COG7: variants seen among roughly 807,000 people sequenced by gnomAD.
COG7 encodes component of oligomeric golgi complex 7.
COG7 carries 49 observed loss-of-function variants against 91.5 expected under a neutral mutation model. That is an observed-to-expected ratio of 0.54 (90% CI 0.43 to 0.68). The LOEUF (loss-of-function observed/expected upper bound fraction) is 0.68, where lower values mean the gene tolerates loss of function less well. COG7 is among the 30% of genes least tolerant of loss of function. COG7 has a pLI of 0.00. For synonymous variants in COG7, 365 were observed against 388.7 expected, an observed-to-expected ratio of 0.94 and a Z score of 0.72; for missense variants, 895 against 961.3, an observed-to-expected ratio of 0.93 and a Z score of 0.91.
intron 4 of COG7, among the ~76,000 whole-genome samples, chr16:23,440,334 C>T (rs1276273422): frequency 6.7e-6 from 1 of 149,782 alleles, no homozygotes; most frequent in East Asian, 2.0e-4. Flanking sequence ...CATCATGCCA[C>T]TGCACTCCAC....
At chr16:23,392,841 G>T (rs955766756) in intron 15 of COG7, among the ~76,000 whole-genome samples, 5 of 152,140 alleles carry the variant, frequency 3.3e-5, no homozygotes, top group African/African-American at 1.2e-4. Context: ...TGAGGCAGGA[G>T]AATTGCTTGA....
At chr16:23,424,366 T>C (rs953827024) in intron 7 of COG7, among the ~76,000 whole-genome samples, 3 of 148,366 alleles carry the variant, frequency 2.0e-5, no homozygotes, top group Admixed American at 6.8e-5. Context: ...GAGGTTGAAA[T>C]GTCTGAGGCT....
At chr16:23,426,686 G>A (rs1963850755) in intron 6 of COG7, among the ~76,000 whole-genome samples, 1 of 151,472 alleles carries the variant, frequency 6.6e-6, no homozygotes. Flanking sequence ...CATAATAAAG[G>A]CCATATATGA....
rs529871830 is a variant in COG7 at position 23,441,388 on chromosome 16, G to A, written c.604+1089C>T. Among the ~76,000 whole-genome samples the A allele has an allele frequency of 3.9e-5, 6 of 152,162 alleles. No individual in the cohort carries two copies. In the East Asian group the frequency reaches 9.7e-4, roughly 24 times the overall value. On this transcript the variant is annotated intron_variant, in intron 4 of 16. Transcript: ENST00000307149. The stretch of plus-strand genomic sequence containing the variant: ...TCAGGAGTTCAAGACCAGCCTGGAC[G>A]ACATGGTGAAACCTCATCTCTACTG...
intron 5 of COG7, 108 bp downstream of exon 5, chr16:23,434,528 G>A: frequency 3.5e-6 from 3 of 847,798 alleles, no homozygotes; most frequent in Admixed American, 3.9e-5. Context: ...CAGCCAGAGG[G>A]CAAGGAGACA....
At chr16:23,445,290 C>T (rs1964163686) in intron 2 of COG7, 126 bp from the exon 3 acceptor site, 1 of 778,524 alleles carries the variant, frequency 1.3e-6, no homozygotes, top group Admixed American at 1.7e-5. Flanking sequence ...TCCCAAAACA[C>T]CAATCATCTG....
chr16:23,421,799 C>T (rs960414446), intron 7 of COG7, among the ~76,000 whole-genome samples: 8 of 142,772 alleles, frequency 5.6e-5, no homozygotes, highest in East Asian at 4.1e-4. Flanking sequence ...TTCAGTGAGC[C>T]GAAATTGTGC....
intron 4 of COG7, among the ~76,000 whole-genome samples, chr16:23,436,720 CTG>C (rs1367735111): frequency 6.6e-6 from 1 of 151,976 alleles, no homozygotes; most frequent in Non-Finnish European, 1.5e-5. Flanking sequence ...AGTGTAGACT[CTG>C]TCTCAAAAAA....
chr16:23,433,731 C>T (rs1963970208), intron 5 of COG7, 64 bp from the exon 6 acceptor site: 14 of 1,597,166 alleles, frequency 8.8e-6, no homozygotes, highest in South Asian at 6.6e-5. Flanking sequence ...GTGAACACTG[C>T]CCTGCCCTGC....
At chr16:23,410,399 G>C (rs1335753733) in intron 10 of COG7, 39 bp from the exon 11 acceptor site, 6 of 1,527,416 alleles carry the variant, frequency 3.9e-6, no homozygotes, top group Non-Finnish European at 4.5e-6. Context: ...CAAGTATCTG[G>C]AATGCCAGCC....
At chr16:23,390,944 A>G (rs1033849462) in intron 16 of COG7, among the ~76,000 whole-genome samples, 6 of 152,224 alleles carry the variant, frequency 3.9e-5, no homozygotes, top group Non-Finnish European at 7.3e-5. Context: ...GTCTACTAGG[A>G]CATTTTTGTT....
In COG7 at chr16:23,434,733, A is replaced by G. The variant is rs1218098084; in HGVS notation, c.605-15T>C. The G allele has an allele frequency of 6.4e-7, 1 of 1,568,882 alleles. No homozygotes were observed. ...TTTGGACTGATCTAAAGAACATACA[A>G]TGTATATATACTGTTACCAGCCTTT... On this transcript the variant is annotated splice_polypyrimidine_tract_variant and intron_variant, in intron 4 of 16. Coordinates refer to ENST00000307149, the MANE Select transcript of COG7 (RefSeq NM_153603.4).
chr16:23,409,064 CGT>C lies in COG7; in HGVS notation c.1475+1229_1475+1230del, dbSNP rs139188327. Among the ~76,000 whole-genome samples the C allele has an allele frequency of 6.0e-3, 837 of 140,520 alleles. 1 individual carries two copies. The highest frequency in any genetic ancestry group is 8.4e-3 in the Non-Finnish European group (541 of 64,092). 92.2% of individuals were successfully genotyped at this position (140,520 alleles called of 152,430 possible). ...GCTGGAAGGCTGCACAGTGTGCATG[CGT>C]GTGTGTGTGTGTGTGTGTGTGTGCG... On this transcript the variant is annotated intron_variant, in intron 11 of 16. Coordinates refer to ENST00000307149, the MANE Select transcript of COG7 (RefSeq NM_153603.4).
In COG7 at chr16:23,403,819, T is replaced by G; in HGVS notation, c.1678A>C (p.Asn560His). The change falls in exon 13 of 17, where the codon AAC (asparagine) becomes CAC (histidine). Residue 560 changes from asparagine to histidine, a missense_variant. Transcript: ENST00000307149. Reference sequence around the variant, plus strand: ...CGAGGTGCAGCCAGCAGGTTGTGGTTGCTTGACCCTTTTTCCTAAGACAAG... The same window carrying G: ...CGAGGTGCAGCCAGCAGGTTGTGGTGGCTTGACCCTTTTTCCTAAGACAAG... ...LYTLKEKGSSNHNLLAAPRAA... is the reference protein window; with the variant it reads ...LYTLKEKGSSHHNLLAAPRAA... 6.2e-7 allele frequency: 1 copy of G among 1,614,228 alleles called. No homozygotes were observed. The highest frequency in any genetic ancestry group is 8.5e-7 in the Non-Finnish European group (1 of 1,180,034).
chr16:23,403,416 C>T (rs1963409217), intron 13 of COG7, among the ~76,000 whole-genome samples: 1 of 152,242 alleles, frequency 6.6e-6, no homozygotes, highest in East Asian at 1.9e-4. Flanking sequence ...CACATAATCT[C>T]TATTACTTCT....
rs1271592763 is a variant in COG7 at position 23,433,577 on chromosome 16, C to T, written c.778G>A (p.Ala260Thr). ...LTGLYDALLG[A>T]WHTQIQWATQ... Reference sequence around the variant, plus strand: ...GCCCACTGGATTTGTGTGTGCCAAGCACCAAGCAAGGCATCATAGAGTCCG... The same window carrying T: ...GCCCACTGGATTTGTGTGTGCCAAGTACCAAGCAAGGCATCATAGAGTCCG... The change falls in exon 6 of 17, where the codon GCT becomes ACT. Residue 260 changes from alanine (A) to threonine (T), a missense_variant. Ala to Thr is a moderately conservative substitution (Grantham distance 58, BLOSUM62 0). Transcript: ENST00000307149. 1 of 1,614,072 alleles carries T rather than the reference C, an allele frequency of 6.2e-7. No homozygotes were observed. The highest frequency in any genetic ancestry group is 8.5e-7 in the Non-Finnish European group (1 of 1,180,014).
intron 14 of COG7, among the ~76,000 whole-genome samples, chr16:23,397,788 T>C (rs1963308588): frequency 6.6e-6 from 1 of 152,192 alleles, no homozygotes. Context: ...CTCTCAACTC[T>C]GACGCCCTCA....
At chr16:23,431,535 C>T (rs999429851) in intron 6 of COG7, among the ~76,000 whole-genome samples, 1 of 152,120 alleles carries the variant, frequency 6.6e-6, no homozygotes, top group Non-Finnish European at 1.5e-5. Flanking sequence ...CTTGGCCGGG[C>T]ACAGTGGCTC....
chr16:23,405,574 T>C (rs1467578811), intron 12 of COG7, among the ~76,000 whole-genome samples: 1 of 151,066 alleles, frequency 6.6e-6, no homozygotes, highest in Non-Finnish European at 1.5e-5. Flanking sequence ...TGGAGTGTAG[T>C]GGCACAATAT....
Sources: gnomAD v4.1 joint callset for allele counts (sites outside exome capture counted in the v4.1 genomes callset) on GRCh38, gnomAD v4.1.1 for gene constraint, MANE v1.5 for transcripts, NCBI Gene and HGNC (gene_info 2026-07-23, HGNC 2026-07-21) for gene names.